The following MBNL3 variants were observed in gnomAD, a reference collection of about 807,000 sequenced individuals.
MBNL3 encodes muscleblind like splicing regulator 3, also known as muscleblind-like protein 3.
A neutral mutation model predicts 24.5 loss-of-function variants in MBNL3; 6 were observed. That is an observed-to-expected ratio of 0.25 (90% CI 0.13 to 0.48). The LOEUF is 0.48. Among genes scored for constraint, MBNL3 ranks in the 20% least tolerant of loss-of-function variants. The pLI is 0.99. For synonymous variants in MBNL3, 100 were observed against 101.7 expected (o/e 0.98, Z 0.10); for missense variants, 230 against 293.5 (o/e 0.78, Z 1.58).
At chrX:132,383,679 AG>A in intron 7 of MBNL3, among the ~76,000 whole-genome samples, 1 of 112,064 alleles carries the variant, frequency 8.9e-6, no homozygotes, top group Non-Finnish European at 1.9e-5. Flanking sequence ...TTCCATTCCC[AG>A]GGTTCAGATC....
At chrX:132,489,992 T>A (rs1429110974), upstream of MBNL3, 3 of 112,388 alleles carry the variant, frequency 2.7e-5, no homozygotes, top group Non-Finnish European at 5.7e-5. Flanking sequence ...GGGCGCTGTT[T>A]CGTCGCGAAA....
At chrX:132,427,846 T>A (rs1465004030) in intron 2 of MBNL3, among the ~76,000 whole-genome samples, 1 of 111,872 alleles carries the variant, frequency 8.9e-6, no homozygotes, top group Non-Finnish European at 1.9e-5. Context: ...ACATAGGACA[T>A]GTCTTGTTTT....
rs966019200 is a variant in MBNL3 at position 132,389,532 on chromosome X, T to G, written c.771+1315A>C. 3.6e-5 allele frequency among the ~76,000 whole-genome samples: 4 copies of G among 111,772 alleles called. No homozygotes were observed. In the Admixed American group the frequency reaches 3.8e-4, roughly 11 times the overall value. ...CTCTCTGTTGTGAATAGGCAAAGTC[T>G]CTGTCATGGGAGTCCAAACTATGAA... On this transcript the variant is annotated intron_variant, in intron 5 of 8. Coordinates refer to ENST00000370853, the MANE Select transcript of MBNL3 (RefSeq NM_001386889.1).
At chrX:132,472,087 A>G (rs1283217151) in intron 1 of MBNL3, among the ~76,000 whole-genome samples, 1 of 111,974 alleles carries the variant, frequency 8.9e-6, no homozygotes, top group Non-Finnish European at 1.9e-5. Flanking sequence ...TTTTCATGTG[A>G]AATTGTGTAG....
At chrX:132,472,243 G>A (rs1341223403) in intron 1 of MBNL3, among the ~76,000 whole-genome samples, 1 of 111,938 alleles carries the variant, frequency 8.9e-6, no homozygotes, top group Non-Finnish European at 1.9e-5. Context: ...GGATGTCAAC[G>A]TGGATATTTA....
rs190567394 is a variant in MBNL3 at position 132,487,238 on chromosome X, G to A, written c.-704+1613C>T. 3.8e-3 allele frequency among the ~76,000 whole-genome samples: 416 copies of A among 110,400 alleles called. 1 individual carries two copies. The highest frequency in any genetic ancestry group is 0.013 in the African/African-American group (396 of 30,305). On this transcript the variant is annotated intron_variant, in intron 1 of 8. Coordinates refer to ENST00000370853, the MANE Select transcript of MBNL3 (RefSeq NM_001386889.1). ...ATCCGGAAGCAAACAGTACTGAACT[G>A]GGATCTAAGTCCATAATCACTAAAA...
intron 2 of MBNL3, among the ~76,000 whole-genome samples, chrX:132,423,928 G>A (rs1028346997): frequency 1.8e-5 from 2 of 111,691 alleles, no homozygotes; most frequent in African/African-American, 6.5e-5. Flanking sequence ...TTGTTGACTT[G>A]CTCTCTTACT....
chrX:132,425,014 T>TA (rs1172945974), intron 2 of MBNL3, among the ~76,000 whole-genome samples: 2 of 112,324 alleles, frequency 1.8e-5, no homozygotes, highest in Admixed American at 1.9e-4. Flanking sequence ...GTCAGTTGCC[T>TA]ATTAAAATAT....
chrX:132,411,321 T>TTGCCTATCTG, intron 2 of MBNL3: 1 of 754,437 alleles, frequency 1.3e-6, no homozygotes, highest in Non-Finnish European at 1.6e-6. Context: ...AAGAATTTTC[T>TTGCCTATCTG]TGCCTATCTG....
chrX:132,466,731 G>A (rs1199242484), intron 1 of MBNL3, among the ~76,000 whole-genome samples: 2 of 111,601 alleles, frequency 1.8e-5, no homozygotes, highest in Non-Finnish European at 3.8e-5. Context: ...CTGATGTTTA[G>A]GAAGCAATCT....
chrX:132,421,380 C>T (rs1401512182), intron 2 of MBNL3, among the ~76,000 whole-genome samples: 1 of 110,716 alleles, frequency 9.0e-6, no homozygotes, highest in South Asian at 3.9e-4. Context: ...ATATAAATTA[C>T]TATGTGCCTA....
Position 132,384,496 on chromosome X carries a change from G to C in MBNL3, c.958+167C>G, listed in dbSNP as rs772622027. On this transcript the variant is annotated intron_variant, in intron 7 of 8. Transcript: ENST00000370853. ...AACCAACTAGGACTTGAGAAAGTAGGACTATTTTGATGCTACAAAGACATA... is the reference window on the plus strand; with the variant it reads ...AACCAACTAGGACTTGAGAAAGTAGCACTATTTTGATGCTACAAAGACATA... 2.7e-5 allele frequency among the ~76,000 whole-genome samples: 3 copies of C among 111,878 alleles called. No homozygotes were observed. The South Asian group carries it at 1.1e-3, about 42-fold the overall frequency.
intron 2 of MBNL3, 130 bp downstream of exon 2, chrX:132,439,305 T>G (rs999083676): frequency 1.4e-6 from 1 of 732,905 alleles, no homozygotes; most frequent in Non-Finnish European, 1.9e-6. Flanking sequence ...TGACATTCTG[T>G]TTTTTTGTTA....
chrX:132,404,759 A>G (rs1377152968), intron 3 of MBNL3, among the ~76,000 whole-genome samples: 1 of 112,160 alleles, frequency 8.9e-6, no homozygotes, highest in East Asian at 2.8e-4. Context: ...AATTCTGAGA[A>G]TTAACTTTAT....
At chrX:132,482,068 C>T (rs1165233786) in intron 1 of MBNL3, among the ~76,000 whole-genome samples, 2 of 111,962 alleles carry the variant, frequency 1.8e-5, no homozygotes, top group Admixed American at 9.4e-5. Context: ...GTAACTAGAG[C>T]CTGGGAAGGG....
chrX:132,405,880 CAAAAAA>C lies in MBNL3; in HGVS notation c.342+342_342+347del, dbSNP rs58288015. The stretch of plus-strand genomic sequence containing the variant: ...CAACAAGAGTGAAACTCTGTCTCAC[CAAAAAA>C]AAAAAAAAAAAAAAAAAGCAACAAA... On this transcript the variant is annotated intron_variant, in intron 3 of 8. Transcript: ENST00000370853. 3.2e-3 allele frequency among the ~76,000 whole-genome samples: 105 copies of C among 32,846 alleles called. 1 individual carries two copies. In the South Asian group the frequency reaches 0.035, roughly 11 times the overall value. The allele number at this position is 32,846 out of a possible 115,157, so 28.5% of individuals were successfully genotyped here.
intron 6 of MBNL3, among the ~76,000 whole-genome samples, chrX:132,385,863 C>G (rs1167925866): frequency 1.0e-5 from 1 of 95,667 alleles, no homozygotes; most frequent in Non-Finnish European, 2.1e-5. Context: ...AAAATAGTTT[C>G]CAATCTTGGG....
intron 3 of MBNL3, among the ~76,000 whole-genome samples, chrX:132,401,991 A>G (rs1164055917): frequency 1.8e-5 from 2 of 111,777 alleles, no homozygotes; most frequent in Non-Finnish European, 3.8e-5. Flanking sequence ...CAGCTATCAG[A>G]TGATTCAATT....
chrX:132,460,878 A>AG (rs1199023071), intron 1 of MBNL3, among the ~76,000 whole-genome samples: 1 of 110,476 alleles, frequency 9.1e-6, no homozygotes, highest in Non-Finnish European at 1.9e-5. Context: ...TCCCACCATG[A>AG]GTCCCCAAAA....
Sources: gnomAD v4.1 joint callset for allele counts (sites outside exome capture counted in the v4.1 genomes callset) on GRCh38, gnomAD v4.1.1 for gene constraint, MANE v1.5 for transcripts, NCBI Gene and HGNC (gene_info 2026-07-23, HGNC 2026-07-21) for gene names.